Variants in CD53 observed in about 807,000 individuals in gnomAD.
The protein encoded by CD53 is leukocyte surface antigen CD53.
A neutral mutation model predicts 27.3 loss-of-function variants in CD53; 20 were observed. The observed-to-expected ratio is 0.73, with a 90% confidence interval of 0.52 to 1.07. The LOEUF is 1.07. Ranked by LOEUF, CD53 falls within the 50% of genes least tolerant of loss-of-function variation. CD53 has a pLI of 0.00. For missense variants in CD53, 216 were observed against 264.0 expected (o/e 0.82, Z 1.26); for synonymous variants, 106 against 105.3 (o/e 1.01, Z -0.04).
At chr1:110,886,105 A>T (rs974530135) in intron 1 of CD53, among the ~76,000 whole-genome samples, 1 of 152,248 alleles carries the variant, frequency 6.6e-6, no homozygotes, top group African/African-American at 2.4e-5. Flanking sequence ...TTAAGTTATT[A>T]AAATGTATTT....
chr1:110,874,958 G>C (rs1656067146), intron 1 of CD53, among the ~76,000 whole-genome samples: 1 of 152,204 alleles, frequency 6.6e-6, no homozygotes, highest in African/African-American at 2.4e-5. Flanking sequence ...ATTATCATCT[G>C]AAAGGAGTTG....
intron 1 of CD53, among the ~76,000 whole-genome samples, chr1:110,876,924 A>G (rs1462294804): frequency 1.3e-5 from 2 of 152,152 alleles, no homozygotes; most frequent in Admixed American, 1.3e-4. Context: ...TAGTAATTTG[A>G]TTGATGCCCT....
At chr1:110,886,852 T>C (rs1410491015) in intron 1 of CD53, among the ~76,000 whole-genome samples, 1 of 59,738 alleles carries the variant, frequency 1.7e-5, no homozygotes, top group Non-Finnish European at 3.9e-5. Context: ...CTCCAATATA[T>C]ATATATATAT....
chr1:110,881,066 G>C (rs1221387888), intron 1 of CD53, among the ~76,000 whole-genome samples: 1 of 152,166 alleles, frequency 6.6e-6, no homozygotes, highest in African/African-American at 2.4e-5. Context: ...TATAATACAG[G>C]GGGTGTTGCC....
At chr1:110,892,780 G>T in intron 3 of CD53, 1 of 424,982 alleles carries the variant, frequency 2.4e-6, no homozygotes, top group Non-Finnish European at 4.2e-6. Flanking sequence ...AATGACTTTT[G>T]TCATTATTGT....
chr1:110,889,981 A>G (rs1412537232), intron 1 of CD53, among the ~76,000 whole-genome samples: 1 of 152,248 alleles, frequency 6.6e-6, no homozygotes, highest in Non-Finnish European at 1.5e-5. Context: ...GATATGAGAT[A>G]GATACAAGTA....
chr1:110,873,375 T>G (rs981567913), intron 1 of CD53, 127 bp downstream of exon 1: 1 of 152,668 alleles, frequency 6.6e-6, no homozygotes, highest in Non-Finnish European at 1.5e-5. Context: ...AAATATTTAG[T>G]GCACAAAGTA....
chr1:110,871,886 A>G (rs920412463), upstream of CD53, among the ~76,000 whole-genome samples: 1 of 151,946 alleles, frequency 6.6e-6, no homozygotes, highest in Non-Finnish European at 1.5e-5. Flanking sequence ...GGAGAAATCT[A>G]TATATTATTT....
At chr1:110,896,784 A>G in intron 6 of CD53, 51 bp downstream of exon 6, 1 of 1,506,772 alleles carries the variant, frequency 6.6e-7, no homozygotes, top group Non-Finnish European at 9.2e-7. Flanking sequence ...TTAAATGTTT[A>G]ATTACCTCGG....
At chr1:110,883,226 C>T (rs891898436) in intron 1 of CD53, among the ~76,000 whole-genome samples, 1 of 151,838 alleles carries the variant, frequency 6.6e-6, no homozygotes, top group Non-Finnish European at 1.5e-5. Context: ...TTTGCATAAG[C>T]GTTCTTCTAT....
chr1:110,891,772 A>T (rs764978602), intron 2 of CD53, among the ~76,000 whole-genome samples: 18 of 152,170 alleles, frequency 1.2e-4, no homozygotes, highest in Non-Finnish European at 2.1e-4. Context: ...TGTGCTCTGG[A>T]TATTGAGTGC....
chr1:110,876,435 T>G (rs1324392342), intron 1 of CD53, among the ~76,000 whole-genome samples: 2 of 152,230 alleles, frequency 1.3e-5, no homozygotes, highest in Non-Finnish European at 1.5e-5. Flanking sequence ...GATCTTAAGC[T>G]ACTATGCTAG....
intron 1 of CD53, among the ~76,000 whole-genome samples, chr1:110,884,323 A>G (rs1329449391): frequency 5.3e-5 from 8 of 152,080 alleles, no homozygotes; most frequent in Non-Finnish European, 2.9e-5. Flanking sequence ...TTCTAGGGAT[A>G]TTTCTGTTAT....
chr1:110,894,245 G>A (rs1203215974), intron 3 of CD53, 82 bp from the exon 4 acceptor site: 1 of 1,199,986 alleles, frequency 8.3e-7, no homozygotes, highest in African/African-American at 1.5e-5. Context: ...TCGTGCAAAT[G>A]CCCCTGGATG....
intron 1 of CD53, among the ~76,000 whole-genome samples, chr1:110,889,536 C>T (rs1432834599): frequency 4.0e-5 from 6 of 150,302 alleles, no homozygotes; most frequent in Non-Finnish European, 8.9e-5. Context: ...CCAGCCTCGG[C>T]GAAAGAGCAA....
At chr1:110,897,735 G>C (rs1272002397) in intron 6 of CD53, 74 bp from the exon 7 acceptor site, 1 of 899,180 alleles carries the variant, frequency 1.1e-6, no homozygotes, top group East Asian at 2.5e-5. Flanking sequence ...GCAAAGCACT[G>C]TATCTTCCAA....
At chr1:110,885,878 A>T (rs1457661223) in intron 1 of CD53, among the ~76,000 whole-genome samples, 1 of 152,148 alleles carries the variant, frequency 6.6e-6, no homozygotes, top group Non-Finnish European at 1.5e-5. Flanking sequence ...AAATAAAAAT[A>T]AAAATGAATT....
chr1:110,875,064 G>T (rs1220113377), intron 1 of CD53, among the ~76,000 whole-genome samples: 1 of 152,252 alleles, frequency 6.6e-6, no homozygotes, highest in African/African-American at 2.4e-5. Context: ...AACTGTAGGA[G>T]TTAGGAGTGT....
At chr1:110,875,677 C>G (rs114484138) in intron 1 of CD53, among the ~76,000 whole-genome samples, 1,882 of 152,216 alleles carry the variant, frequency 0.012, 45 homozygotes, top group African/African-American at 0.043. Context: ...GACCCATCTG[C>G]CACTGCAGGT....
Sources: allele counts gnomAD v4.1 joint callset (sites outside exome capture counted in the v4.1 genomes callset), GRCh38; gene constraint gnomAD v4.1.1; transcripts MANE v1.5; gene names NCBI Gene and HGNC (gene_info 2026-07-23, HGNC 2026-07-21).